UBAP2: variants seen among roughly 807,000 people sequenced by gnomAD.
UBAP2 encodes the protein ubiquitin-associated protein 2.
In UBAP2, 75 loss-of-function variants were observed where a neutral mutation model predicts 139.6. The observed-to-expected ratio is 0.54, with a 90% confidence interval of 0.45 to 0.65. The LOEUF is 0.65. Among genes scored for constraint, UBAP2 ranks in the 30% least tolerant of loss-of-function variants. The probability of loss-of-function intolerance (pLI) is 0.00; values close to 1 mark genes in which losing one functional copy is unlikely to be tolerated. For synonymous variants in UBAP2, 526 were observed against 526.2 expected (o/e 1.00, Z 0.01); for missense variants, 1,368 against 1,369.6 (o/e 1.00, Z 0.02).
intron 15 of UBAP2, among the ~76,000 whole-genome samples, chr9:33,942,772 T>C (rs1825349208): frequency 1.3e-5 from 2 of 151,962 alleles, no homozygotes; most frequent in South Asian, 4.1e-4. Context: ...ATCTGAGATT[T>C]TGTATTTATA....
rs1268443170 is a variant in UBAP2 at position 33,956,122 on chromosome 9, C to T, written c.823G>A (p.Ala275Thr). The stretch of plus-strand genomic sequence containing the variant: ...TGATTCTCTGCTGGAGCAGATGAGG[C>T]AGTGAAGACCTTTGTTTCAGAAAGC... Reference protein sequence around the residue: ...EDLSETKVFTASSAPAENHIL... With the variant: ...EDLSETKVFTTSSAPAENHIL... The change falls in exon 11 of 29, where the codon GCC (alanine) becomes ACC (threonine). Residue 275 changes from alanine to threonine, a missense_variant. Coordinates refer to ENST00000379238, the MANE Select transcript of UBAP2 (RefSeq NM_001370062.2). The T allele has an allele frequency of 3.1e-6, 5 of 1,613,644 alleles. No individual in the cohort carries two copies. The highest frequency in any genetic ancestry group is 1.7e-5 in the Admixed American group (1 of 59,948).
chr9:34,025,381 C>T (rs1248558864), intron 1 of UBAP2, among the ~76,000 whole-genome samples: 1 of 152,126 alleles, frequency 6.6e-6, no homozygotes, highest in Non-Finnish European at 1.5e-5. Flanking sequence ...AAAAATAATC[C>T]AGTAGAAACT....
intron 6 of UBAP2, among the ~76,000 whole-genome samples, chr9:33,983,851 G>GT (rs1564046577): frequency 6.6e-6 from 1 of 152,090 alleles, no homozygotes; most frequent in Non-Finnish European, 1.5e-5. Flanking sequence ...ATTATACTTG[G>GT]TTTTTACCAA....
intron 19 of UBAP2, among the ~76,000 whole-genome samples, chr9:33,931,119 T>C (rs1478322481): frequency 6.6e-6 from 1 of 152,176 alleles, no homozygotes; most frequent in Non-Finnish European, 1.5e-5. Context: ...TTGAAATGCA[T>C]GGGTCCACTT....
chr9:33,958,414 C>T (rs1826744505), intron 10 of UBAP2, among the ~76,000 whole-genome samples: 1 of 127,824 alleles, frequency 7.8e-6, no homozygotes, highest in Non-Finnish European at 1.7e-5. Context: ...GGTTCCCCAC[C>T]CCCTTTTTTT....
chr9:33,968,502 G>A (rs1367193272), intron 8 of UBAP2: 4 of 513,440 alleles, frequency 7.8e-6, no homozygotes, highest in East Asian at 9.7e-5. Context: ...AATGGGACGC[G>A]GTACAAAGTC....
intron 8 of UBAP2, chr9:33,968,640 C>G (rs1164378307): frequency 1.8e-5 from 5 of 274,244 alleles, no homozygotes; most frequent in Non-Finnish European, 2.9e-5. Context: ...ACGGATTTTT[C>G]TCCTTAATTT....
intron 8 of UBAP2, among the ~76,000 whole-genome samples, chr9:33,970,538 T>C (rs1289157427): frequency 6.6e-6 from 1 of 151,410 alleles, no homozygotes; most frequent in Admixed American, 6.6e-5. Flanking sequence ...CAAGTGACAC[T>C]CCCCACTTCA....
chr9:33,991,100 C>T (rs1452682376), intron 4 of UBAP2, among the ~76,000 whole-genome samples: 1 of 152,056 alleles, frequency 6.6e-6, no homozygotes, highest in Non-Finnish European at 1.5e-5. Context: ...TCCTGGCCAA[C>T]ATTGTGAAAC....
intron 14 of UBAP2, among the ~76,000 whole-genome samples, 172 bp from the exon 15 acceptor site, chr9:33,943,761 A>G (rs527452386): frequency 6.6e-6 from 1 of 152,172 alleles, no homozygotes. Context: ...AAGAAAAAAA[A>G]CAAGCTAAGA....
intron 6 of UBAP2, among the ~76,000 whole-genome samples, chr9:33,984,085 T>C (rs1383062775): frequency 6.6e-6 from 1 of 151,954 alleles, no homozygotes; most frequent in East Asian, 1.9e-4. Context: ...TGTATTTTTA[T>C]TAGAGATGGA....
At chr9:34,042,218 G>A (rs1163817929) in intron 1 of UBAP2, among the ~76,000 whole-genome samples, 2 of 151,866 alleles carry the variant, frequency 1.3e-5, no homozygotes, top group African/African-American at 4.8e-5. Context: ...GGTGGCTCAT[G>A]CCTGTAATCC....
intron 4 of UBAP2, among the ~76,000 whole-genome samples, chr9:33,989,572 T>G (rs1220979048): frequency 6.6e-6 from 1 of 152,232 alleles, no homozygotes; most frequent in East Asian, 1.9e-4. Context: ...ATTCTTTCCC[T>G]ATAGTTCTAC....
At chr9:33,926,927 C>G (rs1008555321) in intron 21 of UBAP2, 62 bp downstream of exon 21, 25 of 1,542,714 alleles carry the variant, frequency 1.6e-5, no homozygotes, top group Admixed American at 3.4e-5. Context: ...CAGGTTCCTG[C>G]CAGGTGCCAG....
rs577740379 is a variant in UBAP2 at position 34,021,557 on chromosome 9, G to A, written c.-41-4368C>T. Among the ~76,000 whole-genome samples, 13 of 151,884 alleles carry A rather than the reference G, an allele frequency of 8.6e-5. No individual in the cohort carries two copies. The East Asian group carries it at 1.4e-3, about 16-fold the overall frequency. The stretch of plus-strand genomic sequence containing the variant: ...CTCTCAGATATGAATAAATGCATAC[G>A]AACACACTGTTTTAAAACTGTGATG... On this transcript the variant is annotated intron_variant, in intron 1 of 28. Coordinates refer to ENST00000379238, the MANE Select transcript of UBAP2 (RefSeq NM_001370062.2).
At chr9:34,016,970 T>C in intron 2 of UBAP2, 80 bp downstream of exon 2, 1 of 949,700 alleles carries the variant, frequency 1.1e-6, no homozygotes, top group South Asian at 1.7e-5. Context: ...CAAACAAGAG[T>C]TCCACATACC....
At chr9:34,028,832 C>A (rs1825639840) in intron 1 of UBAP2, among the ~76,000 whole-genome samples, 1 of 152,036 alleles carries the variant, frequency 6.6e-6, no homozygotes. Context: ...AAAGCCTATA[C>A]TATAAAGCAG....
At chr9:33,995,626 A>G (rs13291563) in intron 4 of UBAP2, 1 of 142,422 alleles carries the variant, frequency 7.0e-6, no homozygotes, top group South Asian at 2.1e-4. Context: ...TTTATAAATA[A>G]ATATATACAT....
chr9:34,003,546 C>T (rs1003111577), intron 2 of UBAP2, among the ~76,000 whole-genome samples: 1 of 151,652 alleles, frequency 6.6e-6, no homozygotes, highest in South Asian at 2.1e-4. Context: ...GCTGAGATTA[C>T]AGGTGTTCGC....
Sources: gnomAD v4.1 joint callset for allele counts (sites outside exome capture counted in the v4.1 genomes callset) on GRCh38, gnomAD v4.1.1 for gene constraint, MANE v1.5 for transcripts, NCBI Gene and HGNC (gene_info 2026-07-23, HGNC 2026-07-21) for gene names.